Variants in NT5DC1 observed in about 807,000 individuals in gnomAD.
NT5DC1 encodes the protein 5'-nucleotidase domain containing 1, also known as 5'-nucleotidase domain-containing protein 1.
A neutral mutation model predicts 59.4 loss-of-function variants in NT5DC1; 42 were observed. The observed-to-expected ratio is 0.71, with a 90% CI of 0.55 to 0.92. The LOEUF is 0.92. Among genes scored for constraint, NT5DC1 ranks in the 40% least tolerant of loss-of-function variants. The pLI is 0.00. For synonymous variants in NT5DC1, 172 were observed against 188.1 expected, an observed-to-expected ratio of 0.91 and a Z score of 0.70; for missense variants, 501 against 537.1, an observed-to-expected ratio of 0.93 and a Z score of 0.66.
chr6:116,117,109 TG>T (rs1778978801), intron 5 of NT5DC1, among the ~76,000 whole-genome samples: 1 of 152,220 alleles, frequency 6.6e-6, no homozygotes, highest in African/African-American at 2.4e-5. Flanking sequence ...AACTAGCTTT[TG>T]GGGTTTTAGG....
intron 1 of NT5DC1, 52 bp from the exon 2 acceptor site, chr6:116,106,192 G>A: frequency 1.1e-6 from 1 of 891,888 alleles, no homozygotes; most frequent in East Asian, 2.4e-5. Flanking sequence ...GTGACATTAA[G>A]AATGAATAGT....
intron 6 of NT5DC1, chr6:116,118,862 G>A (rs1191561389): frequency 1.3e-5 from 2 of 152,252 alleles, no homozygotes; most frequent in Admixed American, 1.3e-4. Context: ...TTGGGTCTGT[G>A]GGAATAAAGA....
intron 6 of NT5DC1, among the ~76,000 whole-genome samples, chr6:116,190,777 G>A (rs371095771): frequency 3.3e-4 from 50 of 152,086 alleles, no homozygotes; most frequent in African/African-American, 1.2e-3. Flanking sequence ...GGAAAGAATC[G>A]TTCTGCTGAG....
rs773180406 is a variant in NT5DC1 at position 116,121,060 on chromosome 6, C to T, written c.529+3115C>T. On this transcript the variant is annotated intron_variant, in intron 6 of 11. Transcript: ENST00000319550. ...TAGGGCCTGGGAGACCATGGCTACCCGGGATGCCTTTTGGTCCTTGGGGTC... is the reference window on the plus strand; with the variant it reads ...TAGGGCCTGGGAGACCATGGCTACCTGGGATGCCTTTTGGTCCTTGGGGTC... The T allele has an allele frequency of 1.7e-5, 28 of 1,613,944 alleles. No homozygotes were observed. The highest frequency in any genetic ancestry group is 1.6e-4 in the Middle Eastern group (1 of 6,082).
chr6:116,154,698 G>A (rs973625954), intron 6 of NT5DC1, among the ~76,000 whole-genome samples: 2 of 152,008 alleles, frequency 1.3e-5, no homozygotes, highest in African/African-American at 2.4e-5. Context: ...ATATTTGGAT[G>A]GTTTTGATGA....
At chr6:116,130,627 G>A (rs1170983692) in intron 6 of NT5DC1, among the ~76,000 whole-genome samples, 3 of 152,046 alleles carry the variant, frequency 2.0e-5, no homozygotes, top group Non-Finnish European at 4.4e-5. Flanking sequence ...ATTCTATCTA[G>A]TGAACAGCTA....
Position 116,196,824 on chromosome 6 carries a change from C to T in NT5DC1, c.530-24230C>T, listed in dbSNP as rs575284510. ...TTGTGTATGCTGTTTTTAACACTCACATAGTGCTTACCATGAGCCAGGCAC... is the reference window on the plus strand; with the variant it reads ...TTGTGTATGCTGTTTTTAACACTCATATAGTGCTTACCATGAGCCAGGCAC... On this transcript the variant is annotated intron_variant, in intron 6 of 11. Coordinates refer to ENST00000319550, the MANE Select transcript of NT5DC1 (RefSeq NM_152729.3). Among the ~76,000 whole-genome samples, 68 of 152,012 alleles carry T rather than the reference C, an allele frequency of 4.5e-4. 2 individuals carry two copies. In the South Asian group the frequency reaches 0.014, roughly 32 times the overall value.
intron 1 of NT5DC1, among the ~76,000 whole-genome samples, chr6:116,101,505 C>T (rs549638022): frequency 6.6e-6 from 1 of 152,304 alleles, no homozygotes; most frequent in East Asian, 1.9e-4. Context: ...GTTTAAACTG[C>T]AATCTGGGAG....
rs186475311 is a variant in NT5DC1, at chr6:116,238,662, A to G, written c.1084-293A>G. On this transcript the variant is annotated intron_variant, in intron 10 of 11. Transcript: ENST00000319550. ...GACATCATCATCATCATAATAGAAT[A>G]GAGAGTTATTTTTATTATAGGGAAA... 1.4e-3 allele frequency among the ~76,000 whole-genome samples: 208 copies of G among 152,242 alleles called. 1 individual carries two copies. The highest frequency in any genetic ancestry group is 2.5e-3 in the Non-Finnish European group (168 of 68,006).
chr6:116,116,065 C>A (rs1778957631), intron 5 of NT5DC1, among the ~76,000 whole-genome samples: 1 of 151,018 alleles, frequency 6.6e-6, no homozygotes, highest in African/African-American at 2.4e-5. Context: ...TTTTTTTTAG[C>A]AAAATAAATA....
chr6:116,142,175 A>G (rs972298035), intron 6 of NT5DC1, among the ~76,000 whole-genome samples: 1 of 152,138 alleles, frequency 6.6e-6, no homozygotes, highest in African/African-American at 2.4e-5. Flanking sequence ...TAATATTAGT[A>G]TAGTTCACAG....
intron 4 of NT5DC1, among the ~76,000 whole-genome samples, chr6:116,112,782 T>G (rs1180385457): frequency 6.6e-6 from 1 of 152,236 alleles, no homozygotes; most frequent in Non-Finnish European, 1.5e-5. Flanking sequence ...AGAAGTATAC[T>G]TGCTCTAAAG....
At chr6:116,109,933 C>T (rs1778840281) in intron 3 of NT5DC1, among the ~76,000 whole-genome samples, 1 of 152,124 alleles carries the variant, frequency 6.6e-6, no homozygotes, top group South Asian at 2.1e-4. Flanking sequence ...CCTCCTTATC[C>T]TCGGAGGTTA....
intron 6 of NT5DC1, among the ~76,000 whole-genome samples, chr6:116,200,703 G>C (rs1208279776): frequency 1.3e-5 from 2 of 151,880 alleles, no homozygotes; most frequent in African/African-American, 4.8e-5. Flanking sequence ...CTCTCTCTGG[G>C]TGATATTTAA....
In NT5DC1 at chr6:116,247,846, T is replaced by TAA. The variant is rs766858430; in HGVS notation, c.*3823_*3824insAA. On this transcript the variant is annotated 3_prime_UTR_variant, in exon 12 of 12. Coordinates refer to ENST00000319550, the MANE Select transcript of NT5DC1 (RefSeq NM_152729.3). ...CTTAACAGAAATGTCAGCGGTTACT[T>TAA]ACAATGCTTAGCAGCTAAATTCCAT... The TAA allele has an allele frequency of 2.0e-5, 3 of 152,214 alleles. No homozygotes were observed. The highest frequency in any genetic ancestry group is 4.4e-5 in the Non-Finnish European group (3 of 68,030). The allele number at this position is 152,214 out of a possible 1,614,324, so 9.4% of individuals were successfully genotyped here. A position where few individuals can be genotyped will look rare whatever the true frequency, so the allele number is the denominator to read the frequency against.
Position 116,245,360 on chromosome 6 carries a change from A to G in NT5DC1, c.*1336A>G, listed in dbSNP as rs565988807. ...CCTGGATTGAAGTGCAGAATTTGGC[A>G]TATCGATGCATGCAATGGAAAGAAA... On this transcript the variant is annotated 3_prime_UTR_variant, in exon 12 of 12. Transcript: ENST00000319550. 9 of 152,618 alleles carry G rather than the reference A, an allele frequency of 5.9e-5. No individual in the cohort carries two copies. Among genetic ancestry groups the G allele is most frequent in the Admixed American group, 2.6e-4 (4 of 15,274 alleles). The allele number at this position is 152,618 out of a possible 1,614,324, so 9.5% of individuals were successfully genotyped here. A position where few individuals can be genotyped will look rare whatever the true frequency, so the allele number is the denominator to read the frequency against.
intron 6 of NT5DC1, among the ~76,000 whole-genome samples, chr6:116,184,747 C>A (rs2114480659): frequency 6.6e-6 from 1 of 152,148 alleles, no homozygotes; most frequent in Non-Finnish European, 1.5e-5. Flanking sequence ...TGTTTCATTT[C>A]TAATTGAGCT....
At chr6:116,162,941 C>A (rs910371541) in intron 6 of NT5DC1, among the ~76,000 whole-genome samples, 3 of 151,808 alleles carry the variant, frequency 2.0e-5, no homozygotes, top group Non-Finnish European at 4.4e-5. Context: ...TCCTAGCTAA[C>A]ATGGTGAAAC....
chr6:116,164,695 G>C (rs1224419356), intron 6 of NT5DC1, among the ~76,000 whole-genome samples: 1 of 152,152 alleles, frequency 6.6e-6, no homozygotes, highest in Non-Finnish European at 1.5e-5. Flanking sequence ...GTGTGCTTTT[G>C]TGGTAGCAAG....
Sources: allele counts gnomAD v4.1 joint callset (sites outside exome capture counted in the v4.1 genomes callset), GRCh38; gene constraint gnomAD v4.1.1; transcripts MANE v1.5; gene names NCBI Gene and HGNC (gene_info 2026-07-23, HGNC 2026-07-21).